NTRK1: variants seen among roughly 807,000 people sequenced by gnomAD.
NTRK1 encodes high affinity nerve growth factor receptor.
Under a neutral mutation model 86.8 loss-of-function variants are expected in NTRK1, and 62 were observed. The observed-to-expected ratio is 0.71, with a 90% CI of 0.58 to 0.88. The LOEUF is 0.88. Ranked by LOEUF, NTRK1 falls within the 40% of genes least tolerant of loss-of-function variation. The pLI is 0.00. For synonymous variants in NTRK1, 469 were observed against 456.6 expected (o/e 1.03, Z -0.35); for missense variants, 967 against 1,078.4 (o/e 0.90, Z 1.45).
At chr1:156,852,158 G>A (rs566924575) in intron 2 of NTRK1, 12 of 1,608,106 alleles carry the variant, frequency 7.5e-6, no homozygotes, top group South Asian at 1.1e-5. Flanking sequence ...CTCGCCCCTC[G>A]CTGTGCAAGC....
chr1:156,881,342 G>A, intron 16 of NTRK1, 115 bp from the exon 17 acceptor site: 2 of 980,210 alleles, frequency 2.0e-6, no homozygotes, highest in Middle Eastern at 2.4e-4. Flanking sequence ...CAGCTAAGAA[G>A]CCCAGACGAG....
Position 156,851,687 on chromosome 1 carries a change from G to A in NTRK1, c.50+9494G>A, listed in dbSNP as rs761704588. 27 of 1,614,042 alleles carry A rather than the reference G, an allele frequency of 1.7e-5. No homozygotes were observed. Among genetic ancestry groups the A allele is most frequent in the African/African-American group, 4.0e-5 (3 of 74,926 alleles). ...GAGGATGAGGCTTCCCTCCACATGCGTGCAGCCCACAAGATCCTGTGCCGC... is the reference window on the plus strand; with the variant it reads ...GAGGATGAGGCTTCCCTCCACATGCATGCAGCCCACAAGATCCTGTGCCGC... On this transcript the variant is annotated intron_variant, in intron 2 of 16. Coordinates refer to the NTRK1 transcript ENST00000392302.
intron 1 of NTRK1, among the ~76,000 whole-genome samples, chr1:156,832,800 G>A (rs965394958): frequency 1.3e-5 from 2 of 152,186 alleles, no homozygotes; most frequent in African/African-American, 2.4e-5. Flanking sequence ...TGGTGCTCTT[G>A]TAGCATTTGG....
intron 1 of NTRK1, among the ~76,000 whole-genome samples, chr1:156,836,224 C>G (rs1222421091): frequency 6.6e-6 from 1 of 152,128 alleles, no homozygotes; most frequent in Non-Finnish European, 1.5e-5. Context: ...GAAAGTCCCC[C>G]TGTTGTTCAC....
At chr1:156,836,303 T>C (rs1654598983) in intron 1 of NTRK1, among the ~76,000 whole-genome samples, 1 of 152,096 alleles carries the variant, frequency 6.6e-6, no homozygotes, top group Admixed American at 6.6e-5. Context: ...AGTCCCGGGG[T>C]GTCCTCAGAG....
At chr1:156,850,481 G>A (rs1158388343) in intron 2 of NTRK1, among the ~76,000 whole-genome samples, 1 of 147,136 alleles carries the variant, frequency 6.8e-6, no homozygotes, top group Non-Finnish European at 1.5e-5. Flanking sequence ...CCAAAGTGCA[G>A]AGATTACAGG....
chr1:156,864,299 A>T, intron 1 of NTRK1, 55 bp from the exon 2 acceptor site: 1 of 1,569,534 alleles, frequency 6.4e-7, no homozygotes, highest in Non-Finnish European at 8.8e-7. Context: ...GTGGGTGGGC[A>T]TGGGAACTCA....
intron 1 of NTRK1, chr1:156,840,900 G>A (rs1329671725): frequency 2.5e-6 from 4 of 1,613,878 alleles, no homozygotes; most frequent in Non-Finnish European, 3.4e-6. Context: ...CATTTTGAGG[G>A]CTGCAGTCTC....
At chr1:156,849,485 TC>T (rs1216343407) in intron 2 of NTRK1, 1 of 1,033,922 alleles carries the variant, frequency 9.7e-7, no homozygotes, top group Admixed American at 1.9e-5. Context: ...GGGACCTTGC[TC>T]TGCGGGGAGG....
chr1:156,875,826 C>T (rs1343859822), intron 12 of NTRK1, 160 bp downstream of exon 12: 1 of 1,209,032 alleles, frequency 8.3e-7, no homozygotes, highest in Non-Finnish European at 1.2e-6. Flanking sequence ...TCTTCTCAGG[C>T]TGAGTCCAGC....
intron 2 of NTRK1, chr1:156,846,654 CT>C: frequency 6.2e-7 from 1 of 1,614,194 alleles, no homozygotes; most frequent in Middle Eastern, 1.6e-4. Flanking sequence ...AGGGTCACCC[CT>C]GGCTCCTGGG....
chr1:156,838,906 T>G (rs1654667670), intron 1 of NTRK1, among the ~76,000 whole-genome samples: 1 of 152,240 alleles, frequency 6.6e-6, no homozygotes, highest in Non-Finnish European at 1.5e-5. Flanking sequence ...AATGCAGGCA[T>G]GCCTGTGTGC....
intron 2 of NTRK1, chr1:156,842,899 A>G (rs1336082008): frequency 1.6e-5 from 14 of 887,368 alleles, no homozygotes; most frequent in East Asian, 2.5e-5. Flanking sequence ...CATGGTCCCA[A>G]TCTTGACCTT....
At chr1:156,861,225 G>C in intron 1 of NTRK1, 79 bp downstream of exon 1, 1 of 1,479,882 alleles carries the variant, frequency 6.8e-7, no homozygotes, top group Non-Finnish European at 9.1e-7. Context: ...CTCGCTGCTT[G>C]TTTGCTGGTC....
At chr1:156,815,754 C>T (rs2102820511) in exon 1 of NTRK1, 5 of 1,554,836 alleles carry the variant, frequency 3.2e-6, no homozygotes, top group African/African-American at 1.5e-5. Flanking sequence ...TGCACTGCAC[C>T]CTGGTCATCT....
chr1:156,849,223 C>T (rs111286511), intron 2 of NTRK1: 1 of 1,611,682 alleles, frequency 6.2e-7, no homozygotes, highest in Admixed American at 1.7e-5. Flanking sequence ...GCGTGTCCAC[C>T]GGCACTGGGG....
intron 1 of NTRK1, among the ~76,000 whole-genome samples, chr1:156,822,536 T>C (rs915643296): frequency 9.5e-5 from 14 of 146,652 alleles, no homozygotes; most frequent in African/African-American, 3.3e-4. Flanking sequence ...CACTCCAGTC[T>C]GGATGACAGA....
intron 1 of NTRK1, 49 bp downstream of exon 1, chr1:156,861,195 C>A: frequency 1.3e-6 from 2 of 1,524,772 alleles, no homozygotes; most frequent in Non-Finnish European, 1.8e-6. Context: ...GCAGGCATTG[C>A]AGTGCCCCGA....
intron 1 of NTRK1, among the ~76,000 whole-genome samples, chr1:156,829,681 C>G (rs1475129891): frequency 6.6e-6 from 1 of 152,096 alleles, no homozygotes; most frequent in African/African-American, 2.4e-5. Flanking sequence ...GAGACAGAGT[C>G]TTGCTCTGTC....
Sources: allele counts gnomAD v4.1 joint callset (sites outside exome capture counted in the v4.1 genomes callset), GRCh38; gene constraint gnomAD v4.1.1; transcripts MANE v1.5; gene names NCBI Gene and HGNC (gene_info 2026-07-23, HGNC 2026-07-21).